The following SUGCT variants were observed in gnomAD, a reference collection of about 807,000 sequenced individuals.
The protein encoded by SUGCT is succinyl-CoA:glutarate CoA-transferase.
SUGCT carries 41 observed loss-of-function variants against 55.0 expected under a neutral mutation model. The observed-to-expected ratio is 0.74, with a 90% CI of 0.58 to 0.97. The LOEUF is 0.97. Ranked by LOEUF, SUGCT falls within the 50% of genes least tolerant of loss-of-function variation. The pLI, the probability that SUGCT is intolerant of heterozygous loss-of-function variation, is 0.00. For synonymous variants in SUGCT, 187 were observed against 200.4 expected (o/e 0.93, Z 0.56); for missense variants, 568 against 547.8 (o/e 1.04, Z -0.37).
At chr7:40,274,851 G>T (rs1792357885) in intron 8 of SUGCT, among the ~76,000 whole-genome samples, 195 bp downstream of exon 8, 1 of 152,148 alleles carries the variant, frequency 6.6e-6, no homozygotes, top group Non-Finnish European at 1.5e-5. Context: ...GCCCAGGCTG[G>T]AGTGCAATGG....
At chr7:40,766,023 A>C (rs1010616994) in intron 13 of SUGCT, among the ~76,000 whole-genome samples, 11 of 152,196 alleles carry the variant, frequency 7.2e-5, no homozygotes, top group African/African-American at 2.4e-4. Context: ...AAAAGGCAAA[A>C]GTTTATTTCG....
At chr7:40,337,405 G>A (rs1796775665) in intron 9 of SUGCT, among the ~76,000 whole-genome samples, 1 of 152,118 alleles carries the variant, frequency 6.6e-6, no homozygotes, top group African/African-American at 2.4e-5. Flanking sequence ...AGGTCTGTAA[G>A]GACTTGTTTT....
chr7:40,311,068 C>CTGA (rs1440760585), intron 8 of SUGCT, among the ~76,000 whole-genome samples: 7 of 152,156 alleles, frequency 4.6e-5, no homozygotes, highest in African/African-American at 1.7e-4. Flanking sequence ...ACTTCTCTCC[C>CTGA]TGATTTCCGT....
chr7:40,470,067 G>A (rs1790324580), intron 11 of SUGCT, among the ~76,000 whole-genome samples: 1 of 152,122 alleles, frequency 6.6e-6, no homozygotes, highest in African/African-American at 2.4e-5. Flanking sequence ...GACTCCACAA[G>A]TCAATGCTAA....
intron 12 of SUGCT, chr7:40,683,962 A>G: frequency 1.9e-6 from 3 of 1,538,946 alleles, no homozygotes; most frequent in Non-Finnish European, 2.6e-6. Flanking sequence ...TTTGGGGGAA[A>G]AGCCATTTCC....
At chr7:40,208,894 T>C (rs1787163949) in intron 6 of SUGCT, among the ~76,000 whole-genome samples, 1 of 152,208 alleles carries the variant, frequency 6.6e-6, no homozygotes, top group African/African-American at 2.4e-5. Context: ...GATTTTGTTT[T>C]TCTTTTCAAT....
In SUGCT at chr7:40,353,494, G is replaced by A. The variant is rs542500857; in HGVS notation, c.816+36639G>A. On this transcript the variant is annotated intron_variant, in intron 9 of 13. Coordinates refer to ENST00000335693, the MANE Select transcript of SUGCT (RefSeq NM_001193313.2). ...ACAAAAACAACTAAATCAGTTTTCC[G>A]AAATTGGGTTTAAATATTTATTCTC... 8.3e-4 allele frequency among the ~76,000 whole-genome samples: 127 copies of A among 152,232 alleles called. 1 individual carries two copies. The highest frequency in any genetic ancestry group is 2.9e-3 in the African/African-American group (121 of 41,540).
At chr7:40,180,571 C>T (rs1785141670) in intron 1 of SUGCT, among the ~76,000 whole-genome samples, 1 of 151,662 alleles carries the variant, frequency 6.6e-6, no homozygotes, top group East Asian at 1.9e-4. Context: ...CTCACTGCAA[C>T]CTCTGCCTCC....
intron 12 of SUGCT, among the ~76,000 whole-genome samples, chr7:40,602,886 A>G (rs1051868389): frequency 6.6e-6 from 1 of 152,160 alleles, no homozygotes; most frequent in Admixed American, 6.5e-5. Context: ...CACTCTTAGG[A>G]TATTCTCACT....
chr7:40,270,203 C>T (rs1481061637), intron 7 of SUGCT, among the ~76,000 whole-genome samples: 1 of 148,686 alleles, frequency 6.7e-6, no homozygotes, highest in Non-Finnish European at 1.5e-5. Flanking sequence ...ACTAAACTTT[C>T]TCTTATTCTT....
At chr7:40,377,238 C>T (rs1408122450) in intron 9 of SUGCT, among the ~76,000 whole-genome samples, 5 of 7,830 alleles carry the variant, frequency 6.4e-4, no homozygotes, top group Non-Finnish European at 8.6e-4. Flanking sequence ...TTCTTCCCTT[C>T]CTTCCTTCCT....
Position 40,838,957 on chromosome 7 carries a change from T to A in SUGCT, c.1154-21359T>A, listed in dbSNP as rs192449252. On this transcript the variant is annotated intron_variant, in intron 13 of 13. Coordinates refer to ENST00000335693, the MANE Select transcript of SUGCT (RefSeq NM_001193313.2). ...CCTTTGGTGAGAGTTTTTTTTTTTTTTTTCACATGTAGGTGTTGTATTACA... is the reference window on the plus strand; with the variant it reads ...CCTTTGGTGAGAGTTTTTTTTTTTTATTTCACATGTAGGTGTTGTATTACA... Among the ~76,000 whole-genome samples the A allele has an allele frequency of 1.7e-3, 255 of 151,988 alleles. 1 individual carries two copies. Among genetic ancestry groups the A allele is most frequent in the African/African-American group, 5.9e-3 (245 of 41,512 alleles).
chr7:40,589,763 G>T (rs1327735239), intron 12 of SUGCT, among the ~76,000 whole-genome samples: 1 of 152,146 alleles, frequency 6.6e-6, no homozygotes, highest in African/African-American at 2.4e-5. Flanking sequence ...TCTTAAGTTA[G>T]TGAAAACTTA....
At chr7:40,188,434 C>CAAAAAA (rs35948652) in intron 3 of SUGCT, 61 bp from the exon 4 acceptor site, 130 of 601,696 alleles carry the variant, frequency 2.2e-4, no homozygotes, top group Admixed American at 5.5e-4. Context: ...ACTCCATCTC[C>CAAAAAA]AAAAAAAAAA....
At chr7:40,717,741 A>T (rs906889948) in intron 12 of SUGCT, among the ~76,000 whole-genome samples, 6 of 152,204 alleles carry the variant, frequency 3.9e-5, no homozygotes, top group African/African-American at 1.4e-4. Context: ...AACGCTGTAG[A>T]TGAATAGTAA....
chr7:40,604,657 T>G (rs1798441289), intron 12 of SUGCT, among the ~76,000 whole-genome samples: 1 of 152,178 alleles, frequency 6.6e-6, no homozygotes, highest in South Asian at 2.1e-4. Flanking sequence ...GATCGTCCCT[T>G]ATTCACTTAC....
intron 8 of SUGCT, among the ~76,000 whole-genome samples, chr7:40,278,652 A>G (rs1215709047): frequency 6.6e-6 from 1 of 151,526 alleles, no homozygotes; most frequent in Non-Finnish European, 1.5e-5. Context: ...CTTTCTTCTC[A>G]TGTGCCCTTC....
At chr7:40,829,909 C>G (rs1200885803) in intron 13 of SUGCT, among the ~76,000 whole-genome samples, 1 of 152,190 alleles carries the variant, frequency 6.6e-6, no homozygotes, top group Non-Finnish European at 1.5e-5. Flanking sequence ...GTGGCAAACT[C>G]AATCCAAAAT....
chr7:41,036,279 C>T, the SUGCT span, among the ~76,000 whole-genome samples: 1 of 152,152 alleles, frequency 6.6e-6, no homozygotes. Flanking sequence ...AATTAAGGCA[C>T]CTTTCGAGAA....
Sources: allele counts gnomAD v4.1 joint callset (sites outside exome capture counted in the v4.1 genomes callset), GRCh38; gene constraint gnomAD v4.1.1; transcripts MANE v1.5; gene names NCBI Gene and HGNC (gene_info 2026-07-23, HGNC 2026-07-21).